NKAIN3: variants seen among roughly 807,000 people sequenced by gnomAD.
NKAIN3 encodes sodium/potassium transporting ATPase interacting 3, also known as sodium/potassium-transporting ATPase subunit beta-1-interacting protein 3.
Under a neutral mutation model 30.2 loss-of-function variants are expected in NKAIN3, and 25 were observed. That is an observed-to-expected ratio of 0.83 (90% CI 0.60 to 1.16). The LOEUF is 1.16. Ranked by LOEUF, NKAIN3 falls within the 50% of genes most tolerant of loss-of-function variation. The pLI is 0.00. For synonymous variants in NKAIN3, 91 were observed against 89.6 expected (o/e 1.02, Z -0.09); for missense variants, 225 against 254.1 (o/e 0.89, Z 0.78).
intron 1 of NKAIN3, among the ~76,000 whole-genome samples, chr8:62,442,676 T>A (rs1376762): frequency 0.42 from 63,426 of 151,516 alleles, 15,188 homozygotes; most frequent in Non-Finnish European, 0.53. Context: ...ATCTAACTTG[T>A]TTTCACTTCC....
At chr8:62,735,567 CT>C (rs1447469558) in intron 3 of NKAIN3, among the ~76,000 whole-genome samples, 1 of 151,960 alleles carries the variant, frequency 6.6e-6, no homozygotes, top group Non-Finnish European at 1.5e-5. Flanking sequence ...TTTTAAATGT[CT>C]TTAAGTTGGC....
At chr8:62,807,533 CT>C (rs1452494979) in intron 4 of NKAIN3, among the ~76,000 whole-genome samples, 1 of 146,134 alleles carries the variant, frequency 6.8e-6, no homozygotes, top group Non-Finnish European at 1.5e-5. Context: ...TATTTCTCAT[CT>C]TTCAATAGTT....
intron 1 of NKAIN3, among the ~76,000 whole-genome samples, chr8:62,570,928 G>C (rs1051508605): frequency 2.6e-5 from 4 of 152,148 alleles, no homozygotes; most frequent in East Asian, 1.9e-4. Context: ...TCAAACGATA[G>C]TTTCACAAAA....
rs558053430 is a variant in NKAIN3, at chr8:62,715,818, C to G, written c.274-31114C>G. Among the ~76,000 whole-genome samples, 3 of 152,176 alleles carry G rather than the reference C, an allele frequency of 2.0e-5. No homozygotes were observed. In the East Asian group the frequency reaches 5.8e-4, roughly 30 times the overall value. On this transcript the variant is annotated intron_variant, in intron 3 of 6. Transcript: ENST00000623646. ...TGGGATAATAGGTTTACCCTTAGACCAACAGCTGGGACACTCTGGAGCTGA... is the reference window on the plus strand; with the variant it reads ...TGGGATAATAGGTTTACCCTTAGACGAACAGCTGGGACACTCTGGAGCTGA...
chr8:62,489,872 G>A (rs1476340360), intron 1 of NKAIN3, among the ~76,000 whole-genome samples: 2 of 152,108 alleles, frequency 1.3e-5, no homozygotes, highest in African/African-American at 4.8e-5. Flanking sequence ...ACTAGGTCAC[G>A]ACACCAAAGG....
intron 3 of NKAIN3, among the ~76,000 whole-genome samples, chr8:62,597,502 T>C (rs1278369892): frequency 2.0e-5 from 3 of 152,030 alleles, no homozygotes; most frequent in African/African-American, 7.2e-5. Flanking sequence ...GGGTTTGTCT[T>C]TTTGTGTTTT....
At chr8:62,445,716 C>T (rs781008198) in intron 1 of NKAIN3, among the ~76,000 whole-genome samples, 1 of 152,120 alleles carries the variant, frequency 6.6e-6, no homozygotes, top group Non-Finnish European at 1.5e-5. Flanking sequence ...GTTCTCCTCT[C>T]CTTAGGCATT....
chr8:62,905,718 A>G (rs1821754111), intron 4 of NKAIN3, among the ~76,000 whole-genome samples: 1 of 152,062 alleles, frequency 6.6e-6, no homozygotes, highest in African/African-American at 2.4e-5. Flanking sequence ...GAGACCTTTA[A>G]CACAGCCAAT....
chr8:62,714,120 A>G (rs1393241817), intron 3 of NKAIN3, among the ~76,000 whole-genome samples: 2 of 152,108 alleles, frequency 1.3e-5, no homozygotes, highest in African/African-American at 4.8e-5. Context: ...CATTGCTTGT[A>G]CAAGAGTATG....
In NKAIN3 at chr8:62,818,374, T is replaced by A. The variant is rs140577094; in HGVS notation, c.471+71245T>A. On this transcript the variant is annotated intron_variant, in intron 4 of 6. Coordinates refer to ENST00000623646, the MANE Select transcript of NKAIN3 (RefSeq NM_001304533.3). ...ACAAATATCAAATTGCTTTTATCAT[T>A]TTTCATTCAAGAACTAGGCAGTTCT... 2.0e-3 allele frequency among the ~76,000 whole-genome samples: 301 copies of A among 152,292 alleles called. 7 individuals carry two copies. The East Asian group carries it at 0.049, about 25-fold the overall frequency.
At chr8:62,298,139 C>T (rs1813904786) in intron 1 of NKAIN3, among the ~76,000 whole-genome samples, 2 of 126,628 alleles carry the variant, frequency 1.6e-5, no homozygotes, top group South Asian at 2.4e-4. Context: ...CACATGGACA[C>T]AGGAAGGGGA....
At chr8:62,918,574 T>C (rs1310336332) in intron 5 of NKAIN3, 61 bp downstream of exon 5, 3 of 1,081,770 alleles carry the variant, frequency 2.8e-6, no homozygotes, top group Non-Finnish European at 4.3e-6. Flanking sequence ...CTTCCAAAAC[T>C]AATCATTACA....
intron 4 of NKAIN3, among the ~76,000 whole-genome samples, chr8:62,829,758 A>AGATAGATAGATAGATAGAT (rs1399097142): frequency 1.1e-3 from 163 of 152,114 alleles, no homozygotes; most frequent in African/African-American, 3.8e-3. Flanking sequence ...ATAGATAGAT[A>AGATAGATAGATAGATAGAT]GATAGATAGA....
At chr8:62,388,675 C>T (rs1366047752) in intron 1 of NKAIN3, among the ~76,000 whole-genome samples, 1 of 152,184 alleles carries the variant, frequency 6.6e-6, no homozygotes, top group Non-Finnish European at 1.5e-5. Context: ...GTTGCATTAT[C>T]CTAATGTTAA....
intron 1 of NKAIN3, among the ~76,000 whole-genome samples, chr8:62,518,092 G>A (rs1020405365): frequency 6.6e-6 from 1 of 152,130 alleles, no homozygotes; most frequent in African/African-American, 2.4e-5. Flanking sequence ...CAGGCACAGT[G>A]GCTCACATCT....
chr8:62,655,836 T>C (rs924303266), intron 3 of NKAIN3, among the ~76,000 whole-genome samples: 16 of 152,050 alleles, frequency 1.1e-4, no homozygotes, highest in Non-Finnish European at 1.6e-4. Context: ...AGATCACCTA[T>C]GAAGAATATG....
chr8:62,900,943 C>T (rs567996005), intron 4 of NKAIN3, among the ~76,000 whole-genome samples: 159 of 152,226 alleles, frequency 1.0e-3, no homozygotes, highest in African/African-American at 3.7e-3. Context: ...ATCAGAGCAA[C>T]GCTGTTGGCA....
At chr8:62,952,254 G>A (rs1823303197) in intron 5 of NKAIN3, among the ~76,000 whole-genome samples, 1 of 150,896 alleles carries the variant, frequency 6.6e-6, no homozygotes. Flanking sequence ...CAACATATGG[G>A]TTAAAAAAAA....
intron 5 of NKAIN3, among the ~76,000 whole-genome samples, chr8:62,996,596 T>C (rs1804119484): frequency 6.6e-6 from 1 of 151,992 alleles, no homozygotes; most frequent in East Asian, 1.9e-4. Flanking sequence ...CAAAGTCTCA[T>C]CTGAGACAAG....
Sources: allele counts gnomAD v4.1 joint callset (sites outside exome capture counted in the v4.1 genomes callset), GRCh38; gene constraint gnomAD v4.1.1; transcripts MANE v1.5; gene names NCBI Gene and HGNC (gene_info 2026-07-23, HGNC 2026-07-21).